The following GPNMB variants were observed in gnomAD, a reference collection of about 807,000 sequenced individuals.
GPNMB encodes glycoprotein nmb.
Under a neutral mutation model 57.3 loss-of-function variants are expected in GPNMB, and 71 were observed. That is an observed-to-expected ratio of 1.24 (90% CI 1.02 to 1.51). The LOEUF (loss-of-function observed/expected upper bound fraction) is 1.51. Ranked by LOEUF, GPNMB falls within the 40% of genes most tolerant of loss-of-function variation. The pLI, the probability that GPNMB is intolerant of heterozygous loss-of-function variation, is 0.00. For missense variants in GPNMB, 677 were observed against 691.9 expected, an observed-to-expected ratio of 0.98 and a Z score of 0.24; for synonymous variants, 253 against 263.2, an observed-to-expected ratio of 0.96 and a Z score of 0.38.
chr7:23,270,099 G>T lies in GPNMB; in HGVS notation c.1353G>T (p.Thr451=). 1.2e-6 allele frequency: 2 copies of T among 1,614,038 alleles called. No homozygotes were observed. Among genetic ancestry groups the T allele is most frequent in the African/African-American group, 1.3e-5 (1 of 75,030 alleles). The change falls in exon 9 of 11, where the codon ACG becomes ACT. Residue 451 remains threonine (T), a synonymous_variant. Coordinates refer to ENST00000258733, the MANE Select transcript of GPNMB (RefSeq NM_002510.3). ...GACGAACCTTCAATGGGTCTGGGAC[G>T]TACTGTGTGAACCTCACCCTGGGGG... The part of the protein sequence containing the change: ...TVRRTFNGSG[T]YCVNLTLGDD...
chr7:23,264,347 C>T (rs986805337), intron 6 of GPNMB, among the ~76,000 whole-genome samples: 8 of 151,848 alleles, frequency 5.3e-5, no homozygotes, highest in African/African-American at 1.2e-4. Context: ...ACAATGTTTG[C>T]GAAGCTCCAT....
chr7:23,267,784 T>A, intron 7 of GPNMB, 102 bp from the exon 8 acceptor site: 1 of 843,260 alleles, frequency 1.2e-6, no homozygotes, highest in Non-Finnish European at 2.0e-6. Context: ...CATATGAATT[T>A]CGGAGGGACA....
chr7:23,270,131 C>G lies in GPNMB; in HGVS notation c.1385C>G (p.Thr462Arg). The G allele has an allele frequency of 6.2e-7, 1 of 1,614,172 alleles. No individual in the cohort carries two copies. The highest frequency in any genetic ancestry group is 8.5e-7 in the Non-Finnish European group (1 of 1,180,000). ...YCVNLTLGDD[T>R]SLALTSTLIS... ...GTGAACCTCACCCTGGGGGATGACA[C>G]AAGCCTGGCTCTCACGAGCACCCTG... The change falls in exon 9 of 11, where the codon ACA (threonine) becomes AGA (arginine). Residue 462 changes from threonine (T) to arginine (R), a missense_variant. By Grantham distance (71) the Thr-to-Arg change is moderately conservative. Coordinates refer to ENST00000258733, the MANE Select transcript of GPNMB (RefSeq NM_002510.3).
chr7:23,264,350 AG>A (rs1783007110), intron 6 of GPNMB, among the ~76,000 whole-genome samples: 1 of 151,850 alleles, frequency 6.6e-6, no homozygotes, highest in Admixed American at 6.6e-5. Context: ...ATGTTTGCGA[AG>A]CTCCATATGC....
intron 4 of GPNMB, 35 bp downstream of exon 4, chr7:23,257,100 C>T (rs2128482097): frequency 6.4e-7 from 1 of 1,567,782 alleles, no homozygotes; most frequent in African/African-American, 1.3e-5. Flanking sequence ...TTCTTCTTTA[C>T]CTTTCCTTAA....
Position 23,252,509 on chromosome 7 carries a change from A to G in GPNMB, c.71-798A>G, listed in dbSNP as rs113862745. Among the ~76,000 whole-genome samples the G allele has an allele frequency of 6.5e-3, 995 of 152,360 alleles. 11 individuals are homozygous for G. Among genetic ancestry groups the G allele is most frequent in the African/African-American group, 0.023 (940 of 41,588 alleles). ...TTTAGAACAAGGGATATTACCAGGG[A>G]TAAAGAGCATCAATTCTTATTGAGA... is the stretch of plus-strand genomic sequence containing the variant. On this transcript the variant is annotated intron_variant, in intron 1 of 10. Transcript: ENST00000258733.
chr7:23,271,669 G>C (rs189415475), intron 9 of GPNMB, among the ~76,000 whole-genome samples: 1 of 151,938 alleles, frequency 6.6e-6, no homozygotes. Context: ...GGTGGTGGGC[G>C]CCTGTAGTCC....
At chr7:23,260,898 A>G in intron 6 of GPNMB, 125 bp downstream of exon 6, 1 of 687,526 alleles carries the variant, frequency 1.5e-6, no homozygotes, top group Non-Finnish European at 2.2e-6. Flanking sequence ...TCCATTTTCT[A>G]CCTGTTGATT....
intron 4 of GPNMB, chr7:23,257,432 A>C: frequency 2.8e-6 from 1 of 361,648 alleles, no homozygotes; most frequent in Non-Finnish European, 5.1e-6. Flanking sequence ...AGCACCTTGG[A>C]AGGCGGAGGC....
Position 23,264,813 on chromosome 7 carries a change from A to G in GPNMB, c.1019-1704A>G, listed in dbSNP as rs141438349. 2.8e-3 allele frequency among the ~76,000 whole-genome samples: 421 copies of G among 152,364 alleles called. 9 individuals are homozygous for G. The highest frequency in any genetic ancestry group is 0.015 in the East Asian group (77 of 5,194). On this transcript the variant is annotated intron_variant, in intron 6 of 10. Coordinates refer to ENST00000258733, the MANE Select transcript of GPNMB (RefSeq NM_002510.3). ...AGAACAAGAGAAGTTTTATTTTAAAATATGCAGGGTCGTGATTCCATGCTC... is the reference window on the plus strand; with the variant it reads ...AGAACAAGAGAAGTTTTATTTTAAAGTATGCAGGGTCGTGATTCCATGCTC...
chr7:23,263,394 C>T (rs1309468256), intron 6 of GPNMB, among the ~76,000 whole-genome samples: 1 of 151,862 alleles, frequency 6.6e-6, no homozygotes, highest in Non-Finnish European at 1.5e-5. Context: ...GGTGGATCAC[C>T]TGAGGTCAGG....
chr7:23,251,166 G>A (rs1301533897), intron 1 of GPNMB, among the ~76,000 whole-genome samples: 1 of 152,120 alleles, frequency 6.6e-6, no homozygotes, highest in East Asian at 1.9e-4. Context: ...CTCCGACTTT[G>A]CTGCTCTTTC....
At position 23,266,616 on chromosome 7, in the gene GPNMB, G is replaced by A. The variant is rs1783069898; in HGVS notation, c.1117+1G>A. The A allele has an allele frequency of 1.9e-6, 3 of 1,613,312 alleles. No homozygotes were observed. The highest frequency in any genetic ancestry group is 2.2e-5 in the South Asian group (2 of 90,980). On this transcript the variant is annotated splice_donor_variant, in intron 7 of 10. Coordinates refer to ENST00000258733, the MANE Select transcript of GPNMB (RefSeq NM_002510.3). LOFTEE classifies it high-confidence loss of function. Reference sequence around the variant, plus strand: ...TTTCAAGCCACCATCACAATTGTAGGTAAGGCTGAAGATGATGACCAGTGA... The same window carrying A: ...TTTCAAGCCACCATCACAATTGTAGATAAGGCTGAAGATGATGACCAGTGA...
intron 3 of GPNMB, among the ~76,000 whole-genome samples, chr7:23,254,557 C>T (rs1325079702): frequency 3.9e-5 from 6 of 152,176 alleles, no homozygotes; most frequent in Admixed American, 3.9e-4. Context: ...GCCACATCAC[C>T]ACCTCCTGCT....
chr7:23,272,499 AAG>A (rs113158548), intron 9 of GPNMB, among the ~76,000 whole-genome samples: 2 of 151,882 alleles, frequency 1.3e-5, no homozygotes, highest in Non-Finnish European at 2.9e-5. Flanking sequence ...GAGAGAGAGA[AAG>A]AGAGAGAGAG....
intron 7 of GPNMB, among the ~76,000 whole-genome samples, 197 bp downstream of exon 7, chr7:23,266,812 C>A (rs1020094700): frequency 6.6e-6 from 1 of 152,244 alleles, no homozygotes; most frequent in African/African-American, 2.4e-5. Context: ...CTTCCTTCCA[C>A]ATCCTGGTGG....
chr7:23,273,326 T>C (rs1379974232), intron 9 of GPNMB, 195 bp from the exon 10 acceptor site: 2 of 556,408 alleles, frequency 3.6e-6, no homozygotes, highest in Non-Finnish European at 6.3e-6. Flanking sequence ...GTTCCAGACA[T>C]GCTGACTCAT....
chr7:23,266,637 A>G, intron 7 of GPNMB, 22 bp downstream of exon 7: 4 of 1,610,972 alleles, frequency 2.5e-6, no homozygotes, highest in Non-Finnish European at 3.4e-6. Flanking sequence ...GATGATGACC[A>G]GTGAGGAAGG....
intron 6 of GPNMB, chr7:23,266,213 T>C: frequency 3.2e-6 from 1 of 310,908 alleles, no homozygotes; most frequent in East Asian, 7.6e-5. Context: ...CCTCCCAAAG[T>C]GCTGGGATTA....
Sources: gnomAD v4.1 joint callset for allele counts (sites outside exome capture counted in the v4.1 genomes callset) on GRCh38, gnomAD v4.1.1 for gene constraint, MANE v1.5 for transcripts, NCBI Gene and HGNC (gene_info 2026-07-23, HGNC 2026-07-21) for gene names.